Variants in LAMA3 observed in about 807,000 individuals in gnomAD.
The protein encoded by LAMA3 is laminin subunit alpha-3.
In LAMA3, 281 loss-of-function variants were observed where a neutral mutation model predicts 402.0. The observed-to-expected ratio is 0.70, with a 90% CI of 0.63 to 0.77. The LOEUF (loss-of-function observed/expected upper bound fraction) is 0.77. Among genes scored for constraint, LAMA3 ranks in the 30% least tolerant of loss-of-function variants. The pLI, the probability that LAMA3 is intolerant of heterozygous loss-of-function variation, is 0.00. For missense variants in LAMA3, 3,840 were observed against 4,215.5 expected, an observed-to-expected ratio of 0.91 and a Z score of 2.47; for synonymous variants, 1,431 against 1,558.4, an observed-to-expected ratio of 0.92 and a Z score of 1.93.
At chr18:23,895,695 C>T (rs2080853463) in intron 44 of LAMA3, among the ~76,000 whole-genome samples, 1 of 152,096 alleles carries the variant, frequency 6.6e-6, no homozygotes, top group Non-Finnish European at 1.5e-5. Flanking sequence ...ATCTCTTTCT[C>T]TTATTTTGGC....
chr18:23,885,148 A>C (rs1599001196), intron 41 of LAMA3, among the ~76,000 whole-genome samples: 12 of 107,354 alleles, frequency 1.1e-4, no homozygotes, highest in African/African-American at 3.0e-4. Context: ...AACCCCCGAC[A>C]CCTCCCTACC....
At chr18:23,724,687 T>C (rs2061268219) in intron 2 of LAMA3, among the ~76,000 whole-genome samples, 1 of 152,272 alleles carries the variant, frequency 6.6e-6, no homozygotes, top group Middle Eastern at 3.2e-3. Flanking sequence ...ACTTTTGCAA[T>C]TTCAAGCACA....
chr18:23,891,892 A>T (rs2080681710), intron 42 of LAMA3, among the ~76,000 whole-genome samples: 1 of 152,142 alleles, frequency 6.6e-6, no homozygotes, highest in Admixed American at 6.5e-5. Context: ...TCTTTAGAAG[A>T]CAATAGAAGA....
Position 23,837,767 on chromosome 18 carries a change from G to A in LAMA3, c.3093+678G>A, listed in dbSNP as rs372254524. Among the ~76,000 whole-genome samples, 125 of 151,840 alleles carry A rather than the reference G, an allele frequency of 8.2e-4. 3 individuals are homozygous for A. In the South Asian group the frequency reaches 0.025, roughly 30 times the overall value. On this transcript the variant is annotated intron_variant, in intron 25 of 74. Transcript: ENST00000313654. ...TCACAGGGAATTTAAGATTCTCTAA[G>A]TGTGAAGCAACTTCCTGTTACTGCT...
chr18:23,753,884 C>A (rs1022351641), intron 6 of LAMA3, 72 bp downstream of exon 6: 1 of 1,005,782 alleles, frequency 9.9e-7, no homozygotes, highest in African/African-American at 1.6e-5. Context: ...ATGTTTGCAT[C>A]CCGTTAAATG....
chr18:23,809,404 A>G (rs554594593), intron 12 of LAMA3, among the ~76,000 whole-genome samples: 47 of 152,320 alleles, frequency 3.1e-4, no homozygotes, highest in African/African-American at 1.1e-3. Flanking sequence ...GAACTTCACC[A>G]TGTAATAATG....
Position 23,918,335 on chromosome 18 carries a change from A to T in LAMA3, c.7923+1640A>T, listed in dbSNP as rs961088253. ...TCTCCCCTTTTCCTGTTCTATTCTC[A>T]TTATCAGTTTTGTTATTTGAGAACC... On this transcript the variant is annotated intron_variant, in intron 60 of 74. Coordinates refer to ENST00000313654, the MANE Select transcript of LAMA3 (RefSeq NM_198129.4). The surrounding 1 kb of genome is among the most constrained non-coding windows in gnomAD (Gnocchi z 4.1). 1.3e-5 allele frequency among the ~76,000 whole-genome samples: 2 copies of T among 152,140 alleles called. No individual in the cohort carries two copies. The highest frequency in any genetic ancestry group is 2.9e-5 in the Non-Finnish European group (2 of 68,024).
intron 3 of LAMA3, 136 bp downstream of exon 3, chr18:23,748,196 A>G (rs376252430): frequency 2.6e-5 from 18 of 699,378 alleles, no homozygotes; most frequent in South Asian, 2.4e-4. Context: ...TGGAAGGCCA[A>G]GGCGGGTGGA....
intron 70 of LAMA3, chr18:23,946,533 C>T (rs1458270392): frequency 1.2e-5 from 6 of 512,910 alleles, no homozygotes; most frequent in African/African-American, 3.8e-5. Context: ...CTGCCACTTC[C>T]TAAACCTGAA....
intron 12 of LAMA3, among the ~76,000 whole-genome samples, chr18:23,807,004 T>C (rs2062974873): frequency 6.6e-6 from 1 of 152,212 alleles, no homozygotes; most frequent in East Asian, 1.9e-4. Flanking sequence ...TTGCCTATCA[T>C]AATTATTTGA....
chr18:23,737,434 C>G (rs1157344639), intron 2 of LAMA3, among the ~76,000 whole-genome samples: 1 of 152,240 alleles, frequency 6.6e-6, no homozygotes, highest in Admixed American at 6.5e-5. Context: ...CATAGCCCCC[C>G]TGCCCTGCGA....
chr18:23,943,948 T>C lies in LAMA3; in HGVS notation c.9187T>C (p.Cys3063Arg), dbSNP rs775941707. ...KKLRIKSKEK[C>R]NDGKWHTVVF... The stretch of plus-strand genomic sequence containing the variant: ...ATTGAGGATCAAAAGCAAGGAGAAA[T>C]GCAATGATGGGAAATGGCACACGGT... Residue 3063 changes from cysteine (C) to arginine (R), a missense_variant, in exon 69 of 75, where the codon TGC (cysteine) becomes CGC (arginine). By Grantham distance (180) the Cys-to-Arg change is radical (BLOSUM62 -3). Transcript: ENST00000313654. 6.8e-6 allele frequency: 11 copies of C among 1,613,904 alleles called. No homozygotes were observed. The South Asian group carries it at 1.2e-4, about 18-fold the overall frequency.
chr18:23,847,728 A>G lies in LAMA3; in HGVS notation c.4136+60A>G. On this transcript the variant is annotated intron_variant, in intron 32 of 74. Coordinates refer to ENST00000313654, the MANE Select transcript of LAMA3 (RefSeq NM_198129.4). ...CAGGGAGGTCGCGTGCCATCTGCCC[A>G]CACACTGGTCATCGTCACTTTCCAC... 2.6e-6 allele frequency: 4 copies of G among 1,517,046 alleles called. No homozygotes were observed. In the South Asian group the frequency reaches 4.7e-5, roughly 18 times the overall value. The allele number at this position is 1,517,046 out of a possible 1,614,324, so 94.0% of individuals were successfully genotyped here.
intron 41 of LAMA3, among the ~76,000 whole-genome samples, chr18:23,887,722 A>C (rs2080486347): frequency 6.6e-6 from 1 of 152,250 alleles, no homozygotes; most frequent in South Asian, 2.1e-4. Context: ...AGCTGGATAG[A>C]AGCCAGAGTG....
At chr18:23,780,287 G>A (rs1345592810) in intron 11 of LAMA3, among the ~76,000 whole-genome samples, 1 of 149,064 alleles carries the variant, frequency 6.7e-6, no homozygotes, top group Non-Finnish European at 1.5e-5. Flanking sequence ...AGTGCCATGA[G>A]AGCATATGGG....
chr18:23,790,196 A>G (rs1304312806), intron 12 of LAMA3, among the ~76,000 whole-genome samples: 1 of 152,168 alleles, frequency 6.6e-6, no homozygotes, highest in African/African-American at 2.4e-5. Flanking sequence ...GGACATCAAG[A>G]AGCATGAGGG....
intron 12 of LAMA3, among the ~76,000 whole-genome samples, chr18:23,786,273 C>G (rs560935553): frequency 4.4e-4 from 67 of 152,312 alleles, no homozygotes; most frequent in African/African-American, 1.5e-3. Flanking sequence ...GATGGGCACT[C>G]TCTTTATCCT....
chr18:23,706,839 G>A (rs1295475623), intron 1 of LAMA3, among the ~76,000 whole-genome samples: 2 of 152,200 alleles, frequency 1.3e-5, no homozygotes, highest in Non-Finnish European at 2.9e-5. Context: ...AGCACTTTGG[G>A]AGGCCAAGGT....
rs902127843 is a variant in LAMA3 at position 23,839,633 on chromosome 18, A to G, written c.3192-152A>G. ...ATACACTTGGCATGAGTATCATTAT[A>G]TAAAGATCCCTAGAGTTCTGTGCTT... On this transcript the variant is annotated intron_variant, in intron 26 of 74. Coordinates refer to ENST00000313654, the MANE Select transcript of LAMA3 (RefSeq NM_198129.4). The surrounding 1 kb of genome is among the most constrained non-coding windows in gnomAD (Gnocchi z 4.5). 1.8e-5 allele frequency: 13 copies of G among 741,944 alleles called. No individual in the cohort carries two copies. Among genetic ancestry groups the G allele is most frequent in the South Asian group, 3.2e-5 (2 of 62,584 alleles). 46.0% of individuals were successfully genotyped at this position (741,944 alleles called of 1,614,324 possible).
Sources: gnomAD v4.1 joint callset for allele counts (sites outside exome capture counted in the v4.1 genomes callset) on GRCh38, gnomAD v4.1.1 for gene constraint, Gnocchi (gnomAD v3.1) non-coding constraint, MANE v1.5 for transcripts, NCBI Gene and HGNC (gene_info 2026-07-23, HGNC 2026-07-21) for gene names.